Variants in CTSC observed in about 807,000 individuals in gnomAD.
CTSC encodes the protein cathepsin C.
A neutral mutation model predicts 40.9 loss-of-function variants in CTSC; 37 were observed. The observed-to-expected ratio is 0.91, with a 90% CI of 0.70 to 1.19. The LOEUF (loss-of-function observed/expected upper bound fraction) is 1.19. CTSC is among the 50% of genes most tolerant of loss of function. CTSC has a pLI of 0.00. For missense variants in CTSC, 594 were observed against 567.3 expected (o/e 1.05, Z -0.48); for synonymous variants, 232 against 207.4 (o/e 1.12, Z -1.02).
At position 88,326,433 on chromosome 11, in the gene CTSC, C is replaced by A. The variant is rs760794290; in HGVS notation, c.318+8504G>T. 2.5e-6 allele frequency: 4 copies of A among 1,611,340 alleles called. No individual in the cohort carries two copies. In the South Asian group the frequency reaches 4.4e-5, roughly 18 times the overall value. On this transcript the variant is annotated intron_variant, in intron 2 of 6. Transcript: ENST00000227266. ...TTAAAAGAGTCCCTCAACAGATGCTCTATTTAATAACTACAAGACAATAAA... is the reference window on the plus strand; with the variant it reads ...TTAAAAGAGTCCCTCAACAGATGCTATATTTAATAACTACAAGACAATAAA...
At chr11:88,333,354 T>C (rs1407776876) in intron 2 of CTSC, among the ~76,000 whole-genome samples, 1 of 152,218 alleles carries the variant, frequency 6.6e-6, no homozygotes, top group Non-Finnish European at 1.5e-5. Flanking sequence ...TTCCACTTCA[T>C]TCATTCATTT....
chr11:88,309,034 C>G, intron 4 of CTSC, 129 bp downstream of exon 4: 1 of 766,654 alleles, frequency 1.3e-6, no homozygotes, highest in Non-Finnish European at 2.3e-6. Context: ...AGATCGTTAA[C>G]AGATCACATA....
intron 4 of CTSC, among the ~76,000 whole-genome samples, chr11:88,305,493 C>A (rs948150767): frequency 6.6e-6 from 1 of 152,184 alleles, no homozygotes. Flanking sequence ...TTTTGGCCCA[C>A]ATTCTTTACA....
intron 2 of CTSC, among the ~76,000 whole-genome samples, chr11:88,332,055 G>A (rs183330011): frequency 1.3e-5 from 2 of 152,176 alleles, no homozygotes; most frequent in African/African-American, 2.4e-5. Context: ...CATATATAAA[G>A]AGGATAAAAG....
At chr11:88,332,761 G>A (rs1395471008) in intron 2 of CTSC, among the ~76,000 whole-genome samples, 1 of 152,134 alleles carries the variant, frequency 6.6e-6, no homozygotes, top group African/African-American at 2.4e-5. Flanking sequence ...TGTCAAATGG[G>A]CACTTTAAAA....
chr11:88,329,192 C>T (rs1938272662), intron 2 of CTSC, among the ~76,000 whole-genome samples: 2 of 151,558 alleles, frequency 1.3e-5, no homozygotes, highest in Admixed American at 1.3e-4. Flanking sequence ...GGTTAGAAAG[C>T]CTATTCAGGC....
chr11:88,336,385 A>C (rs539298837), intron 1 of CTSC, among the ~76,000 whole-genome samples: 2 of 152,118 alleles, frequency 1.3e-5, no homozygotes, highest in East Asian at 3.9e-4. Flanking sequence ...TAAAAATACA[A>C]AATATTAGCC....
intron 2 of CTSC, among the ~76,000 whole-genome samples, chr11:88,317,071 A>G (rs556816179): frequency 7.2e-5 from 11 of 152,140 alleles, no homozygotes; most frequent in Admixed American, 7.2e-4. Context: ...GGTTCAAGCA[A>G]TTCTCCTGCC....
intron 2 of CTSC, among the ~76,000 whole-genome samples, chr11:88,313,554 C>G (rs1352321742): frequency 6.6e-6 from 1 of 152,150 alleles, no homozygotes; most frequent in African/African-American, 2.4e-5. Context: ...CTAAGATGCT[C>G]TGGCTCCAGA....
In CTSC at chr11:88,311,008, T is replaced by C. The variant is rs931514314; in HGVS notation, c.485+1380A>G. 2.0e-5 allele frequency among the ~76,000 whole-genome samples: 3 copies of C among 152,124 alleles called. No homozygotes were observed. In the South Asian group the frequency reaches 6.2e-4, roughly 32 times the overall value. On this transcript the variant is annotated intron_variant, in intron 3 of 6. Transcript: ENST00000227266. ...GTCTTAAATACTATTATTTTTGGTG[T>C]TTAAGATCCAACGAGATTAAAAATA...
intron 2 of CTSC, among the ~76,000 whole-genome samples, chr11:88,317,710 T>C (rs1937910861): frequency 6.6e-6 from 1 of 152,244 alleles, no homozygotes. Flanking sequence ...TTGACCCCGC[T>C]ATCCAGCTTG....
chr11:88,314,240 G>C (rs902887560), intron 2 of CTSC, among the ~76,000 whole-genome samples: 1 of 152,210 alleles, frequency 6.6e-6, no homozygotes, highest in Non-Finnish European at 1.5e-5. Context: ...GAATGAGCTA[G>C]GCTGTGTTCC....
At chr11:88,333,614 A>AC (rs1377851945) in intron 2 of CTSC, among the ~76,000 whole-genome samples, 2 of 152,372 alleles carry the variant, frequency 1.3e-5, no homozygotes, top group Middle Eastern at 3.4e-3. Context: ...CAACGTATAC[A>AC]CCAAAGATTA....
At chr11:88,317,507 T>C (rs947760865) in intron 2 of CTSC, among the ~76,000 whole-genome samples, 1 of 152,204 alleles carries the variant, frequency 6.6e-6, no homozygotes, top group South Asian at 2.1e-4. Context: ...AATGCCACTC[T>C]GCACGACAAC....
intron 5 of CTSC, chr11:88,298,353 G>A (rs923878173): frequency 6.6e-6 from 1 of 152,150 alleles, no homozygotes; most frequent in African/African-American, 2.4e-5. Context: ...ATACCTCAAA[G>A]TATTAATAAA....
chr11:88,314,312 G>A (rs573450660), intron 2 of CTSC, among the ~76,000 whole-genome samples: 28 of 152,334 alleles, frequency 1.8e-4, no homozygotes, highest in South Asian at 8.3e-4. Flanking sequence ...AGAGAAATGT[G>A]TGGGCTAAAC....
intron 2 of CTSC, among the ~76,000 whole-genome samples, chr11:88,334,360 A>G (rs1181553662): frequency 6.6e-6 from 1 of 152,216 alleles, no homozygotes; most frequent in Non-Finnish European, 1.5e-5. Context: ...TTCTTTCCTA[A>G]TGAGAGAAGG....
chr11:88,332,016 G>C (rs974492563), intron 2 of CTSC, among the ~76,000 whole-genome samples: 12 of 152,154 alleles, frequency 7.9e-5, no homozygotes, highest in African/African-American at 2.9e-4. Flanking sequence ...AGAACAATAA[G>C]AAACAATCTA....
chr11:88,327,331 T>C (rs217062), intron 2 of CTSC, among the ~76,000 whole-genome samples: 121,294 of 152,114 alleles, frequency 0.8, 48,708 homozygotes, highest in East Asian at 1. Context: ...CAATACTTGT[T>C]CCCAGTTCCC....
Sources: allele counts gnomAD v4.1 joint callset (sites outside exome capture counted in the v4.1 genomes callset), GRCh38; gene constraint gnomAD v4.1.1; transcripts MANE v1.5; gene names NCBI Gene and HGNC (gene_info 2026-07-23, HGNC 2026-07-21).